TGFBRAP1: variants seen among roughly 807,000 people sequenced by gnomAD.
TGFBRAP1 encodes transforming growth factor-beta receptor-associated protein 1.
A neutral mutation model predicts 83.2 loss-of-function variants in TGFBRAP1; 20 were observed. That is an observed-to-expected ratio of 0.24 (90% CI 0.17 to 0.35). The LOEUF (loss-of-function observed/expected upper bound fraction) is 0.35. Ranked by LOEUF, TGFBRAP1 falls within the 10% of genes least tolerant of loss-of-function variation. The pLI, the probability that TGFBRAP1 is intolerant of heterozygous loss-of-function variation, is 1.00. For missense variants in TGFBRAP1, 950 were observed against 1,099.4 expected (o/e 0.86, Z 1.92); for synonymous variants, 415 against 459.8 (o/e 0.90, Z 1.25).
At chr2:105,272,517 G>A (rs1379573909) in intron 10 of TGFBRAP1, among the ~76,000 whole-genome samples, 7 of 152,082 alleles carry the variant, frequency 4.6e-5, no homozygotes, top group Non-Finnish European at 1.0e-4. Context: ...CTAGAGGCAC[G>A]GTCCATCTCT....
chr2:105,314,519 G>C (rs1381176640), intron 1 of TGFBRAP1, among the ~76,000 whole-genome samples: 1 of 151,550 alleles, frequency 6.6e-6, no homozygotes, highest in Non-Finnish European at 1.5e-5. Flanking sequence ...CAAAGTGCTG[G>C]GATTACAGGC....
intron 4 of TGFBRAP1, among the ~76,000 whole-genome samples, chr2:105,287,286 G>A (rs1156693238): frequency 2.0e-5 from 3 of 152,146 alleles, no homozygotes; most frequent in African/African-American, 4.8e-5. Flanking sequence ...GGGTGGTGAC[G>A]GCTGCACAGC....
At chr2:105,315,258 G>T (rs990626644) in intron 1 of TGFBRAP1, among the ~76,000 whole-genome samples, 22 of 152,074 alleles carry the variant, frequency 1.4e-4, no homozygotes, top group African/African-American at 4.6e-4. Flanking sequence ...CATCTTAGAA[G>T]GCTTTTCTGC....
the TGFBRAP1 span, among the ~76,000 whole-genome samples, chr2:105,258,667 G>T: frequency 6.6e-6 from 1 of 151,076 alleles, no homozygotes; most frequent in East Asian, 1.9e-4. Flanking sequence ...CTCCAGAATG[G>T]CCTGAACCAA....
At chr2:105,325,630 A>T (rs75175604) in intron 1 of TGFBRAP1, among the ~76,000 whole-genome samples, 1,934 of 152,262 alleles carry the variant, frequency 0.013, 54 homozygotes, top group African/African-American at 0.045. Context: ...TTGCTTCCCC[A>T]CCGTGAGTCT....
intron 2 of TGFBRAP1, among the ~76,000 whole-genome samples, chr2:105,300,166 G>A (rs1678235199): frequency 6.6e-6 from 1 of 152,184 alleles, no homozygotes; most frequent in Non-Finnish European, 1.5e-5. Flanking sequence ...TCATAGGACA[G>A]GGTTTAAGAC....
intron 2 of TGFBRAP1, 49 bp downstream of exon 2, chr2:105,307,565 T>A (rs768898135): frequency 2.2e-5 from 34 of 1,541,438 alleles, no homozygotes; most frequent in Middle Eastern, 4.7e-4. Flanking sequence ...CAACACGCAG[T>A]CACCGAGGCC....
At chr2:105,309,717 G>A (rs535676791) in intron 1 of TGFBRAP1, among the ~76,000 whole-genome samples, 2 of 152,308 alleles carry the variant, frequency 1.3e-5, no homozygotes, top group Non-Finnish European at 2.9e-5. Flanking sequence ...AGACACATCA[G>A]TCCTTCCTGT....
downstream of TGFBRAP1, among the ~76,000 whole-genome samples, chr2:105,260,375 C>A (rs1676761487): frequency 6.6e-6 from 1 of 152,196 alleles, no homozygotes; most frequent in Non-Finnish European, 1.5e-5. Flanking sequence ...TGCCACTGCA[C>A]TCCACCCTGG....
At chr2:105,259,940 C>A (rs569616101), downstream of TGFBRAP1, among the ~76,000 whole-genome samples, 2 of 152,250 alleles carry the variant, frequency 1.3e-5, no homozygotes, top group Admixed American at 6.5e-5. Flanking sequence ...GGACAATAAG[C>A]AGACGACTGT....
chr2:105,264,841 T>C lies in TGFBRAP1; in HGVS notation c.*2542A>G, dbSNP rs866401994. 6.6e-6 allele frequency: 1 copy of C among 152,262 alleles called. No individual in the cohort carries two copies. The highest frequency in any genetic ancestry group is 6.5e-5 in the Admixed American group (1 of 15,294). The allele number at this position is 152,262 out of a possible 1,614,324, so 9.4% of individuals were successfully genotyped here. A position where few individuals can be genotyped will look rare whatever the true frequency, so the allele number is the denominator to read the frequency against. On this transcript the variant is annotated 3_prime_UTR_variant, in exon 12 of 12. Coordinates refer to ENST00000393359, the MANE Select transcript of TGFBRAP1 (RefSeq NM_004257.6). Reference sequence around the variant, plus strand: ...AAACTGAGTTCAGTTCATGCTGTTTTAACCAGAATGGTTCCACTGAACCTA... The same window carrying C: ...AAACTGAGTTCAGTTCATGCTGTTTCAACCAGAATGGTTCCACTGAACCTA...
At chr2:105,270,046 C>T (rs903798043) in intron 10 of TGFBRAP1, among the ~76,000 whole-genome samples, 1 of 152,174 alleles carries the variant, frequency 6.6e-6, no homozygotes, top group African/African-American at 2.4e-5. Context: ...TCTCCAGTCA[C>T]TCCATCATCA....
At chr2:105,295,125 C>T (rs1401001586) in intron 4 of TGFBRAP1, among the ~76,000 whole-genome samples, 1 of 152,218 alleles carries the variant, frequency 6.6e-6, no homozygotes, top group Non-Finnish European at 1.5e-5. Context: ...AAGTTAGCAA[C>T]AAAGATGAAA....
Position 105,280,396 on chromosome 2 carries a change from T to C in TGFBRAP1, c.1449A>G (p.Leu483=). Residue 483 remains leucine (L), a synonymous_variant, in exon 6 of 12, where the codon CTA becomes CTG. Transcript: ENST00000393359. The part of the protein sequence containing the change: ...FCLLTDSAAW[L]EKHKKYFALG... ...GGAACACTCACTTTTTGTGCTTCTCTAGCCAGGCAGCACTGTCCGTCAGAA... is the reference window on the plus strand; with the variant it reads ...GGAACACTCACTTTTTGTGCTTCTCCAGCCAGGCAGCACTGTCCGTCAGAA... 1.2e-6 allele frequency: 2 copies of C among 1,613,580 alleles called. No homozygotes were observed. Among genetic ancestry groups the C allele is most frequent in the South Asian group, 2.2e-5 (2 of 91,046 alleles).
chr2:105,314,178 C>T lies in TGFBRAP1; in HGVS notation c.-17-5860G>A, dbSNP rs990034922. Among the ~76,000 whole-genome samples the T allele has an allele frequency of 7.3e-5, 11 of 151,452 alleles. 1 individual carries two copies. Among genetic ancestry groups the T allele is most frequent in the Admixed American group, 3.3e-4 (5 of 15,224 alleles). On this transcript the variant is annotated intron_variant, in intron 1 of 11. Coordinates refer to ENST00000393359, the MANE Select transcript of TGFBRAP1 (RefSeq NM_004257.6). ...GTCTGAAGTTACCAGACCTTGCTCT[C>T]AGATTTCTACCCTCCAAAACTCTGA...
intron 8 of TGFBRAP1, among the ~76,000 whole-genome samples, chr2:105,274,465 C>T (rs1230071426): frequency 6.6e-6 from 1 of 152,212 alleles, no homozygotes; most frequent in Admixed American, 6.5e-5. Flanking sequence ...CCCAGCTCTA[C>T]CAACTATAGC....
intron 2 of TGFBRAP1, 108 bp from the exon 3 acceptor site, chr2:105,298,813 G>A (rs778161880): frequency 2.9e-6 from 3 of 1,027,560 alleles, no homozygotes; most frequent in Non-Finnish European, 4.1e-6. Context: ...CAATTTTCCT[G>A]TACAGTCTTA....
At chr2:105,322,212 A>C (rs1363849506) in intron 1 of TGFBRAP1, among the ~76,000 whole-genome samples, 1 of 152,094 alleles carries the variant, frequency 6.6e-6, no homozygotes, top group Non-Finnish European at 1.5e-5. Context: ...TTATAGAATA[A>C]GCATATAAAG....
the TGFBRAP1 span, among the ~76,000 whole-genome samples, chr2:105,254,882 G>A: frequency 6.6e-6 from 1 of 152,118 alleles, no homozygotes; most frequent in African/African-American, 2.4e-5. Flanking sequence ...GCCATGTGAG[G>A]ACGCAGCATG....
Sources: gnomAD v4.1 joint callset for allele counts (sites outside exome capture counted in the v4.1 genomes callset) on GRCh38, gnomAD v4.1.1 for gene constraint, MANE v1.5 for transcripts, NCBI Gene and HGNC (gene_info 2026-07-23, HGNC 2026-07-21) for gene names.